CDH18: variants seen among roughly 807,000 people sequenced by gnomAD.
The protein encoded by CDH18 is cadherin 18, also known as cadherin-18.
Under a neutral mutation model 67.9 loss-of-function variants are expected in CDH18, and 31 were observed. That is an observed-to-expected ratio of 0.46 (90% confidence interval 0.34 to 0.62). CDH18 has a LOEUF of 0.62. CDH18 is among the 20% of genes least tolerant of loss of function. The probability of loss-of-function intolerance (pLI) is 0.01; values close to 1 mark genes in which losing one functional copy is unlikely to be tolerated. For missense variants in CDH18, 890 were observed against 975.5 expected (o/e 0.91, Z 1.17); for synonymous variants, 362 against 347.2 (o/e 1.04, Z -0.48).
At chr5:20,138,867 A>G (rs1443513475) in intron 2 of CDH18, among the ~76,000 whole-genome samples, 3 of 152,188 alleles carry the variant, frequency 2.0e-5, no homozygotes, top group Non-Finnish European at 4.4e-5. Flanking sequence ...AAGAATCAAT[A>G]TCGTGAAAAT....
At chr5:20,242,619 T>TACAC (rs1269657693) in intron 2 of CDH18, among the ~76,000 whole-genome samples, 18 of 122,122 alleles carry the variant, frequency 1.5e-4, no homozygotes, top group Non-Finnish European at 1.6e-4. Context: ...AAAATATATA[T>TACAC]ATATATATAT....
chr5:19,698,139 T>A (rs963907760), intron 5 of CDH18, among the ~76,000 whole-genome samples: 1 of 152,186 alleles, frequency 6.6e-6, no homozygotes, highest in Non-Finnish European at 1.5e-5. Context: ...CATATGGCAA[T>A]TAGAAAGTAT....
intron 2 of CDH18, among the ~76,000 whole-genome samples, chr5:20,054,220 A>G (rs966423467): frequency 8.5e-5 from 13 of 152,164 alleles, no homozygotes; most frequent in African/African-American, 3.1e-4. Context: ...GGTACATAGC[A>G]TATGTTTAAT....
chr5:20,024,486 T>G (rs1738713582), intron 2 of CDH18, among the ~76,000 whole-genome samples: 1 of 152,112 alleles, frequency 6.6e-6, no homozygotes, highest in Non-Finnish European at 1.5e-5. Context: ...TTCAGCACAT[T>G]TTTAAACTAT....
At chr5:20,215,774 A>T (rs949024222) in intron 2 of CDH18, among the ~76,000 whole-genome samples, 1 of 151,970 alleles carries the variant, frequency 6.6e-6, no homozygotes, top group African/African-American at 2.4e-5. Flanking sequence ...TACATGTACA[A>T]CATGGAATAC....
chr5:20,504,922 C>T (rs10040495), intron 1 of CDH18, among the ~76,000 whole-genome samples: 4 of 151,762 alleles, frequency 2.6e-5, no homozygotes, highest in Non-Finnish European at 5.9e-5. Context: ...CACCCGCCAC[C>T]ACGCCCGGCT....
intron 2 of CDH18, among the ~76,000 whole-genome samples, chr5:19,938,855 A>G (rs1794540680): frequency 6.6e-6 from 1 of 151,444 alleles, no homozygotes; most frequent in African/African-American, 2.4e-5. Context: ...CATTTGGAGC[A>G]TTTCTTTGTT....
intron 1 of CDH18, among the ~76,000 whole-genome samples, chr5:20,285,984 G>A (rs1746669727): frequency 6.6e-6 from 1 of 151,486 alleles, no homozygotes; most frequent in Admixed American, 6.6e-5. Context: ...TTTACTGTCA[G>A]CAACATATTT....
chr5:20,557,105 A>G (rs1239920050), intron 1 of CDH18, among the ~76,000 whole-genome samples: 2 of 152,196 alleles, frequency 1.3e-5, no homozygotes, highest in Non-Finnish European at 2.9e-5. Context: ...ATGTATGTTC[A>G]TATGTCTGAT....
intron 2 of CDH18, among the ~76,000 whole-genome samples, chr5:20,223,736 G>C (rs1376818617): frequency 1.3e-5 from 2 of 151,978 alleles, no homozygotes; most frequent in Non-Finnish European, 2.9e-5. Flanking sequence ...ATTTTATAAA[G>C]GGCAGTTTAT....
intron 1 of CDH18, among the ~76,000 whole-genome samples, chr5:20,539,754 AC>A (rs1561109950): frequency 0.018 from 2,440 of 132,214 alleles, 56 homozygotes; most frequent in African/African-American, 0.059. Context: ...ACACACACAC[AC>A]AAACACACAC....
intron 2 of CDH18, among the ~76,000 whole-genome samples, chr5:20,154,147 T>C (rs1751346098): frequency 6.6e-6 from 1 of 152,168 alleles, no homozygotes; most frequent in Non-Finnish European, 1.5e-5. Context: ...TGGCTTTCTC[T>C]CTATGGTTAA....
intron 2 of CDH18, among the ~76,000 whole-genome samples, chr5:20,042,886 C>T (rs557544130): frequency 4.7e-4 from 72 of 151,964 alleles, no homozygotes; most frequent in East Asian, 2.3e-3. Flanking sequence ...GGCGTGAACC[C>T]GGGAGGCAGA....
intron 1 of CDH18, among the ~76,000 whole-genome samples, chr5:20,288,032 G>A (rs1746817374): frequency 1.3e-5 from 2 of 151,696 alleles, no homozygotes; most frequent in South Asian, 4.1e-4. Context: ...ATCTGAACCT[G>A]CTGTTAACAT....
chr5:19,965,821 G>T (rs1048499861), intron 2 of CDH18, among the ~76,000 whole-genome samples: 27 of 152,070 alleles, frequency 1.8e-4, no homozygotes, highest in African/African-American at 6.0e-4. Flanking sequence ...GAACAAAAGT[G>T]CAACTGGACA....
intron 6 of CDH18, among the ~76,000 whole-genome samples, chr5:19,606,735 T>C (rs1748105494): frequency 1.3e-5 from 2 of 151,764 alleles, no homozygotes; most frequent in African/African-American, 4.8e-5. Context: ...GTAGAACTAA[T>C]AGAAAAGAAG....
chr5:19,712,433 T>A (rs184880566), intron 5 of CDH18, among the ~76,000 whole-genome samples: 46 of 152,084 alleles, frequency 3.0e-4, no homozygotes, highest in East Asian at 1.7e-3. Flanking sequence ...AAATGCCATA[T>A]GAACAAAAGG....
At chr5:19,819,390 G>A (rs993877591) in intron 3 of CDH18, among the ~76,000 whole-genome samples, 2 of 152,206 alleles carry the variant, frequency 1.3e-5, no homozygotes, top group Admixed American at 6.5e-5. Context: ...CTAAAATATC[G>A]AGTAAACCAT....
intron 5 of CDH18, among the ~76,000 whole-genome samples, chr5:19,685,765 A>T (rs1358746257): frequency 1.3e-5 from 2 of 152,204 alleles, no homozygotes; most frequent in Non-Finnish European, 2.9e-5. Context: ...TGTGTAAACA[A>T]TGTTTGATGT....
Sources: allele counts gnomAD v4.1 joint callset (sites outside exome capture counted in the v4.1 genomes callset), GRCh38; gene constraint gnomAD v4.1.1; transcripts MANE v1.5; gene names NCBI Gene and HGNC (gene_info 2026-07-23, HGNC 2026-07-21).